UNC5D: variants seen among roughly 807,000 people sequenced by gnomAD.
UNC5D encodes the protein netrin receptor UNC5D.
UNC5D carries 39 observed loss-of-function variants against 105.4 expected under a neutral mutation model. That is an observed-to-expected ratio of 0.37 (90% CI 0.29 to 0.48). The LOEUF is 0.48. UNC5D is among the 20% of genes least tolerant of loss of function. The pLI, the probability that UNC5D is intolerant of heterozygous loss-of-function variation, is 0.98. For synonymous variants in UNC5D, 452 were observed against 450.4 expected (o/e 1.00, Z -0.04); for missense variants, 991 against 1,202.4 (o/e 0.82, Z 2.60).
rs537574726 is a variant in UNC5D at position 35,735,903 on chromosome 8, A to C, written c.1766+4807A>C. On this transcript the variant is annotated intron_variant, in intron 11 of 16. Transcript: ENST00000404895. ...ACCTCATCTCCAAAAGAGTAAAAAG[A>C]AAGCAGGTATATATCTTTTATCAAT... Among the ~76,000 whole-genome samples, 9 of 152,352 alleles carry C rather than the reference A, an allele frequency of 5.9e-5. No individual in the cohort carries two copies. The East Asian group carries it at 1.7e-3, about 29-fold the overall frequency.
At chr8:35,663,287 T>A (rs991064270) in intron 4 of UNC5D, among the ~76,000 whole-genome samples, 1 of 151,950 alleles carries the variant, frequency 6.6e-6, no homozygotes, top group African/African-American at 2.4e-5. Context: ...AGAAAATGAT[T>A]AGCTGATCTT....
intron 10 of UNC5D, among the ~76,000 whole-genome samples, chr8:35,729,982 A>G (rs544138517): frequency 4.6e-5 from 7 of 152,366 alleles, no homozygotes; most frequent in South Asian, 4.1e-4. Flanking sequence ...GAAGGAGATC[A>G]GGAAAGACTG....
chr8:35,309,437 G>C (rs1360506746), intron 1 of UNC5D, among the ~76,000 whole-genome samples: 2 of 152,126 alleles, frequency 1.3e-5, no homozygotes, highest in Non-Finnish European at 2.9e-5. Context: ...CATGGCTCAT[G>C]CAAGTTCTTC....
At chr8:35,530,232 T>C (rs1450185107) in intron 1 of UNC5D, among the ~76,000 whole-genome samples, 212 of 147,928 alleles carry the variant, frequency 1.4e-3, no homozygotes, top group African/African-American at 5.0e-3. Flanking sequence ...CAATACCTAA[T>C]TTATTGAGAG....
intron 1 of UNC5D, among the ~76,000 whole-genome samples, chr8:35,410,928 G>A (rs2128957595): frequency 6.6e-6 from 1 of 152,188 alleles, no homozygotes; most frequent in Middle Eastern, 3.4e-3. Context: ...CATGAGAAAT[G>A]TGCCTGGACT....
At chr8:35,399,158 A>G (rs534369428) in intron 1 of UNC5D, among the ~76,000 whole-genome samples, 170 of 151,450 alleles carry the variant, frequency 1.1e-3, no homozygotes, top group Non-Finnish European at 2.0e-3. Flanking sequence ...AAAAAAAAAA[A>G]AAAAAAAAAA....
At chr8:35,771,838 G>GA (rs1157402150) in intron 15 of UNC5D, among the ~76,000 whole-genome samples, 83 of 152,292 alleles carry the variant, frequency 5.5e-4, no homozygotes, top group African/African-American at 1.9e-3. Context: ...TTGTTAGGAT[G>GA]TCAGAATTCT....
intron 1 of UNC5D, among the ~76,000 whole-genome samples, chr8:35,512,385 G>A (rs1038642084): frequency 3.4e-5 from 5 of 145,264 alleles, no homozygotes; most frequent in African/African-American, 1.3e-4. Context: ...AGCCAGGCAC[G>A]TGCTTATATA....
intron 3 of UNC5D, among the ~76,000 whole-genome samples, chr8:35,587,409 T>G (rs1243651660): frequency 6.6e-6 from 1 of 152,240 alleles, no homozygotes; most frequent in Non-Finnish European, 1.5e-5. Flanking sequence ...TCATCTTAAC[T>G]GCCAGAGACT....
intron 4 of UNC5D, among the ~76,000 whole-genome samples, chr8:35,613,414 C>G (rs967442381): frequency 6.6e-6 from 1 of 152,228 alleles, no homozygotes; most frequent in East Asian, 1.9e-4. Flanking sequence ...TTGAGTGTAC[C>G]TTTCCCCATG....
intron 1 of UNC5D, among the ~76,000 whole-genome samples, chr8:35,454,103 A>C (rs2128993095): frequency 6.6e-6 from 1 of 152,290 alleles, no homozygotes; most frequent in South Asian, 2.1e-4. Context: ...TAATCTACCA[A>C]CCTGACAGAC....
intron 1 of UNC5D, among the ~76,000 whole-genome samples, chr8:35,501,584 A>G (rs1403546193): frequency 6.6e-6 from 1 of 152,234 alleles, no homozygotes; most frequent in Non-Finnish European, 1.5e-5. Flanking sequence ...GGCAGATGTT[A>G]TAAAACAAAT....
intron 1 of UNC5D, among the ~76,000 whole-genome samples, chr8:35,271,771 T>TTTA (rs1805420613): frequency 7.4e-6 from 1 of 135,296 alleles, no homozygotes; most frequent in African/African-American, 2.7e-5. Flanking sequence ...ATACATATAT[T>TTTA]TACATAGGCA....
At chr8:35,445,680 C>T (rs1033127065) in intron 1 of UNC5D, among the ~76,000 whole-genome samples, 1 of 151,990 alleles carries the variant, frequency 6.6e-6, no homozygotes, top group African/African-American at 2.4e-5. Flanking sequence ...AAGTGTAGTC[C>T]CTCCAGTATG....
intron 1 of UNC5D, among the ~76,000 whole-genome samples, chr8:35,431,543 C>T (rs914472230): frequency 1.5e-4 from 23 of 152,006 alleles, no homozygotes; most frequent in Admixed American, 7.9e-4. Flanking sequence ...AAGAAAAATG[C>T]GGTTATATTC....
intron 1 of UNC5D, among the ~76,000 whole-genome samples, chr8:35,515,493 TG>T (rs1390165365): frequency 1.3e-5 from 2 of 152,182 alleles, no homozygotes; most frequent in Non-Finnish European, 2.9e-5. Context: ...GAGACCAGCC[TG>T]GCCAACATGG....
chr8:35,781,436 GGT>G (rs201600687), intron 16 of UNC5D, among the ~76,000 whole-genome samples: 9 of 152,040 alleles, frequency 5.9e-5, no homozygotes, highest in Non-Finnish European at 2.9e-5. Flanking sequence ...CTAGGCAGTG[GGT>G]GTGTGTGTGC....
At chr8:35,280,359 G>C (rs1468711841) in intron 1 of UNC5D, among the ~76,000 whole-genome samples, 1 of 152,306 alleles carries the variant, frequency 6.6e-6, no homozygotes, top group East Asian at 1.9e-4. Flanking sequence ...GTCTTTTGGA[G>C]AAGACAGTAG....
chr8:35,628,394 A>G (rs1375884702), intron 4 of UNC5D, among the ~76,000 whole-genome samples: 2 of 152,274 alleles, frequency 1.3e-5, no homozygotes, highest in Non-Finnish European at 2.9e-5. Flanking sequence ...TCAGCCTCCC[A>G]AAGTGCTAGG....
Sources: allele counts gnomAD v4.1 joint callset (sites outside exome capture counted in the v4.1 genomes callset), GRCh38; gene constraint gnomAD v4.1.1; transcripts MANE v1.5; gene names NCBI Gene and HGNC (gene_info 2026-07-23, HGNC 2026-07-21).